Variants in KIAA1217 observed in about 807,000 individuals in gnomAD.
The protein encoded by KIAA1217 is KIAA1217, also known as sickle tail protein homolog.
KIAA1217 carries 88 observed loss-of-function variants against 163.9 expected under a neutral mutation model. The ratio of observed to expected loss-of-function variants is 0.54; its 90% CI spans 0.45 to 0.64. KIAA1217 has a LOEUF of 0.64. Among genes scored for constraint, KIAA1217 ranks in the 30% least tolerant of loss-of-function variants. KIAA1217 has a pLI of 0.00. For synonymous variants in KIAA1217, 903 were observed against 923.1 expected (o/e 0.98, Z 0.39); for missense variants, 2,372 against 2,475.0 (o/e 0.96, Z 0.88).
chr10:24,350,952 T>A (rs908681045), intron 2 of KIAA1217, among the ~76,000 whole-genome samples: 2 of 152,194 alleles, frequency 1.3e-5, no homozygotes, highest in African/African-American at 4.8e-5. Flanking sequence ...ATCTTTTTTT[T>A]TTATTATTTT....
At chr10:23,796,559 C>T (rs1836216426) in intron 1 of KIAA1217, among the ~76,000 whole-genome samples, 1 of 152,004 alleles carries the variant, frequency 6.6e-6, no homozygotes, top group South Asian at 2.1e-4. Flanking sequence ...GTTGGGGTTT[C>T]ACCATGTTGG....
chr10:24,520,651 A>ATATATAT (rs1214959660), intron 11 of KIAA1217, among the ~76,000 whole-genome samples: 1 of 39,658 alleles, frequency 2.5e-5, no homozygotes, highest in South Asian at 1.1e-3. Context: ...AAAAAAAAAA[A>ATATATAT]ATATATATAT....
At chr10:23,983,622 A>G (rs1003070367) in intron 1 of KIAA1217, among the ~76,000 whole-genome samples, 1 of 152,160 alleles carries the variant, frequency 6.6e-6, no homozygotes, top group African/African-American at 2.4e-5. Flanking sequence ...CAACCCAGTC[A>G]TCTCCAACCA....
At chr10:24,518,635 CAGGGA>C (rs923735308) in intron 10 of KIAA1217, among the ~76,000 whole-genome samples, 2 of 152,162 alleles carry the variant, frequency 1.3e-5, no homozygotes, top group African/African-American at 4.8e-5. Context: ...CCAGTCAATA[CAGGGA>C]AGTCATTCTG....
chr10:24,083,195 A>G (rs2131662264), intron 2 of KIAA1217, among the ~76,000 whole-genome samples: 1 of 152,298 alleles, frequency 6.6e-6, no homozygotes, highest in East Asian at 1.9e-4. Flanking sequence ...GAGGAGCAGG[A>G]TGGGAAACAA....
chr10:24,165,923 G>C (rs960441134), intron 2 of KIAA1217, among the ~76,000 whole-genome samples: 5 of 152,076 alleles, frequency 3.3e-5, no homozygotes, highest in African/African-American at 1.2e-4. Flanking sequence ...AGTGGCCAAG[G>C]TGACAAGACA....
chr10:24,006,845 A>G (rs1049265106), intron 1 of KIAA1217, among the ~76,000 whole-genome samples: 6 of 152,172 alleles, frequency 3.9e-5, no homozygotes, highest in African/African-American at 1.2e-4. Context: ...GGGATTAGAG[A>G]TGCGAGTCTG....
At chr10:24,256,776 C>T (rs1425675064) in intron 2 of KIAA1217, among the ~76,000 whole-genome samples, 1 of 152,134 alleles carries the variant, frequency 6.6e-6, no homozygotes, top group Middle Eastern at 3.2e-3. Flanking sequence ...TTTTGTGGCC[C>T]AGAGTGTTTC....
intron 5 of KIAA1217, among the ~76,000 whole-genome samples, chr10:24,441,877 G>C (rs918333049): frequency 6.6e-6 from 1 of 152,078 alleles, no homozygotes; most frequent in African/African-American, 2.4e-5. Flanking sequence ...AAAAGTACAC[G>C]TTTTTCCATA....
chr10:24,273,649 C>A (rs146943932), intron 2 of KIAA1217, among the ~76,000 whole-genome samples: 4 of 151,862 alleles, frequency 2.6e-5, no homozygotes, highest in African/African-American at 7.3e-5. Flanking sequence ...GTCAGGAGTT[C>A]GAGACCAGCC....
At chr10:23,855,800 G>A (rs901269326) in intron 1 of KIAA1217, among the ~76,000 whole-genome samples, 10 of 151,902 alleles carry the variant, frequency 6.6e-5, no homozygotes, top group Non-Finnish European at 1.2e-4. Flanking sequence ...CCAGTTGATC[G>A]CATCGGCTCC....
At chr10:24,142,469 T>C (rs1466783651) in intron 2 of KIAA1217, among the ~76,000 whole-genome samples, 1 of 152,132 alleles carries the variant, frequency 6.6e-6, no homozygotes, top group Non-Finnish European at 1.5e-5. Context: ...AGAGAATAGC[T>C]GGAGAAAGAA....
chr10:24,225,964 G>T (rs750833179), intron 2 of KIAA1217, among the ~76,000 whole-genome samples: 15 of 152,192 alleles, frequency 9.9e-5, no homozygotes, highest in Non-Finnish European at 1.8e-4. Flanking sequence ...AATACAGTTA[G>T]AATGTGATAG....
intron 2 of KIAA1217, among the ~76,000 whole-genome samples, chr10:24,048,818 G>T (rs1462234016): frequency 6.6e-6 from 1 of 151,778 alleles, no homozygotes; most frequent in Non-Finnish European, 1.5e-5. Context: ...GGATCACGAG[G>T]TCAGGGGTTC....
chr10:23,713,275 A>G (rs997557411), intron 1 of KIAA1217, among the ~76,000 whole-genome samples: 3 of 152,126 alleles, frequency 2.0e-5, no homozygotes, highest in Non-Finnish European at 2.9e-5. Flanking sequence ...GCTGCTAACT[A>G]TCATACTGAG....
At chr10:23,757,408 T>TA (rs1048372138) in intron 1 of KIAA1217, among the ~76,000 whole-genome samples, 3 of 152,064 alleles carry the variant, frequency 2.0e-5, no homozygotes, top group Non-Finnish European at 4.4e-5. Flanking sequence ...TGTTCTTAAT[T>TA]AAAAAAAATT....
intron 2 of KIAA1217, among the ~76,000 whole-genome samples, chr10:24,195,442 C>T (rs1422199823): frequency 1.3e-5 from 2 of 152,086 alleles, no homozygotes; most frequent in African/African-American, 2.4e-5. Flanking sequence ...ACCCAGAAAA[C>T]AGGGCTTTTG....
chr10:24,494,019 C>T (rs2066468259), intron 6 of KIAA1217, among the ~76,000 whole-genome samples: 1 of 152,176 alleles, frequency 6.6e-6, no homozygotes, highest in Non-Finnish European at 1.5e-5. Context: ...TGCCCCTAAG[C>T]TGTGACACAA....
rs544138075 is a variant in KIAA1217, at chr10:24,129,104, G to A, written c.-170-90522G>A. ...CTGGAAGTGGGCCATATTGAGCTAG[G>A]CAGAAAGGTACTAACCTCCTACTAT... On this transcript the variant is annotated intron_variant, in intron 2 of 18. Coordinates refer to the KIAA1217 transcript ENST00000376462. Among the ~76,000 whole-genome samples the A allele has an allele frequency of 4.6e-5, 7 of 152,256 alleles. No homozygotes were observed. In the East Asian group the frequency reaches 1.4e-3, roughly 29 times the overall value.
Sources: allele counts gnomAD v4.1 joint callset (sites outside exome capture counted in the v4.1 genomes callset), GRCh38; gene constraint gnomAD v4.1.1; transcripts MANE v1.5; gene names NCBI Gene and HGNC (gene_info 2026-07-23, HGNC 2026-07-21).